ABHD17B: variants seen among roughly 807,000 people sequenced by gnomAD.
The protein encoded by ABHD17B is abhydrolase domain containing 17B, depalmitoylase, also known as alpha/beta hydrolase domain-containing protein 17B.
Under a neutral mutation model 26.2 loss-of-function variants are expected in ABHD17B, and 9 were observed. That is an observed-to-expected ratio of 0.34 (90% CI 0.21 to 0.60). The LOEUF (loss-of-function observed/expected upper bound fraction) is 0.60, where lower values mean the gene tolerates loss of function less well. ABHD17B is among the 20% of genes least tolerant of loss of function. The probability of loss-of-function intolerance (pLI) is 0.80; values close to 1 mark genes in which losing one functional copy is unlikely to be tolerated. For synonymous variants in ABHD17B, 127 were observed against 122.3 expected, an observed-to-expected ratio of 1.04 and a Z score of -0.25; for missense variants, 224 against 352.1, an observed-to-expected ratio of 0.64 and a Z score of 2.91.
chr9:71,870,880 C>G (rs1826091979), intron 2 of ABHD17B, among the ~76,000 whole-genome samples: 2 of 152,104 alleles, frequency 1.3e-5, no homozygotes, highest in African/African-American at 4.8e-5. Flanking sequence ...CCACATGGTC[C>G]AATTATTTAT....
intron 3 of ABHD17B, among the ~76,000 whole-genome samples, chr9:71,867,840 T>C (rs1198026670): frequency 2.6e-5 from 4 of 152,136 alleles, no homozygotes; most frequent in Non-Finnish European, 4.4e-5. Context: ...CTGGCTACTA[T>C]GAACCCATTT....
chr9:71,893,456 A>G (rs1826853009), intron 1 of ABHD17B, among the ~76,000 whole-genome samples: 1 of 152,210 alleles, frequency 6.6e-6, no homozygotes, highest in Non-Finnish European at 1.5e-5. Flanking sequence ...AGACAGATTT[A>G]CCAGTTTATT....
At position 71,910,806 on chromosome 9, in the gene ABHD17B, C is replaced by T. The variant is rs761374433; in HGVS notation, c.-176G>A. On this transcript the variant is annotated 5_prime_UTR_variant, in exon 1 of 4. Coordinates refer to ENST00000333421, the MANE Select transcript of ABHD17B (RefSeq NM_001025780.3). ...GGACCAGGGCTACAGCCCCCGGCGC[C>T]GGGGCGAAGAAGGACGGCGGCGCCC... The T allele has an allele frequency of 1.4e-4, 22 of 152,102 alleles. No individual in the cohort carries two copies. Among genetic ancestry groups the T allele is most frequent in the Non-Finnish European group, 2.9e-4 (20 of 67,938 alleles). 9.4% of individuals were successfully genotyped at this position (152,102 alleles called of 1,614,324 possible).
chr9:71,865,557 G>A lies in ABHD17B; in HGVS notation c.*1230C>T, dbSNP rs1419928446. The A allele has an allele frequency of 1.6e-5, 16 of 985,040 alleles. No individual in the cohort carries two copies. Among genetic ancestry groups the A allele is most frequent in the Non-Finnish European group, 1.9e-5 (16 of 829,880 alleles). The allele number at this position is 985,040 out of a possible 1,614,324, so 61.0% of individuals were successfully genotyped here. On this transcript the variant is annotated 3_prime_UTR_variant, in exon 4 of 4. Coordinates refer to ENST00000333421, the MANE Select transcript of ABHD17B (RefSeq NM_001025780.3). ...CTCAGATAGTAATCCAAAACAATAG[G>A]TCCTATTTTTAAAAATAGCTAAAGT...
At chr9:71,881,939 A>G (rs1826455839) in intron 1 of ABHD17B, among the ~76,000 whole-genome samples, 1 of 152,016 alleles carries the variant, frequency 6.6e-6, no homozygotes, top group Admixed American at 6.6e-5. Context: ...AGGACAACCC[A>G]ATTAATAGAC....
intron 2 of ABHD17B, among the ~76,000 whole-genome samples, chr9:71,870,927 T>C (rs569370118): frequency 2.0e-5 from 3 of 152,354 alleles, no homozygotes; most frequent in African/African-American, 7.2e-5. Flanking sequence ...GGTACTATTT[T>C]AATCCCTTTA....
chr9:71,865,276 A>G lies in ABHD17B; in HGVS notation c.*1511T>C. On this transcript the variant is annotated 3_prime_UTR_variant, in exon 4 of 4. Coordinates refer to ENST00000333421, the MANE Select transcript of ABHD17B (RefSeq NM_001025780.3). ...TAAACATAACCACGGAACGAGCAGAACAATTAAAACTACATAAGGCCTTAA... is the reference window on the plus strand; with the variant it reads ...TAAACATAACCACGGAACGAGCAGAGCAATTAAAACTACATAAGGCCTTAA... 1.0e-6 allele frequency: 1 copy of G among 985,728 alleles called. No homozygotes were observed. The highest frequency in any genetic ancestry group is 1.2e-6 in the Non-Finnish European group (1 of 829,808). The allele number at this position is 985,728 out of a possible 1,614,324, so 61.1% of individuals were successfully genotyped here. A position where few individuals can be genotyped will look rare whatever the true frequency, so the allele number is the denominator to read the frequency against.
chr9:71,896,353 G>A lies in ABHD17B; in HGVS notation c.-4+14281C>T, dbSNP rs534980682. Among the ~76,000 whole-genome samples the A allele has an allele frequency of 3.3e-5, 5 of 152,210 alleles. No individual in the cohort carries two copies. The South Asian group carries it at 1.0e-3, about 32-fold the overall frequency. ...ATTGCAGACTACAAATGTAGTAGCA[G>A]ACTTCTTATCCCTGCCCTGAAAATA... On this transcript the variant is annotated intron_variant, in intron 1 of 3. Transcript: ENST00000333421.
intron 1 of ABHD17B, among the ~76,000 whole-genome samples, chr9:71,905,522 T>C (rs954535607): frequency 2.0e-5 from 3 of 152,188 alleles, no homozygotes; most frequent in Non-Finnish European, 4.4e-5. Context: ...CCCTCTCTCA[T>C]GCATTATGGA....
chr9:71,877,276 A>G (rs1826304614), intron 1 of ABHD17B, among the ~76,000 whole-genome samples: 1 of 152,196 alleles, frequency 6.6e-6, no homozygotes, highest in Non-Finnish European at 1.5e-5. Context: ...TGTCTGTTTA[A>G]TATCTGTCTA....
chr9:71,884,694 G>A (rs187500485), intron 1 of ABHD17B, among the ~76,000 whole-genome samples: 1 of 151,332 alleles, frequency 6.6e-6, no homozygotes, highest in African/African-American at 2.4e-5. Context: ...ATAGATTGAT[G>A]GTGATAATGC....
chr9:71,881,369 C>CT (rs1826435819), intron 1 of ABHD17B, among the ~76,000 whole-genome samples: 1 of 152,056 alleles, frequency 6.6e-6, no homozygotes, highest in Non-Finnish European at 1.5e-5. Context: ...AATGTAAGAT[C>CT]TAAACTATGA....
In ABHD17B at chr9:71,874,842, G is replaced by C; in HGVS notation, c.239C>G (p.Ala80Gly). The C allele has an allele frequency of 1.9e-6, 3 of 1,614,164 alleles. No individual in the cohort carries two copies. The highest frequency in any genetic ancestry group is 2.5e-6 in the Non-Finnish European group (3 of 1,180,010). The change falls in exon 2 of 4, where the codon GCT (alanine) becomes GGT (glycine). Residue 80 changes from alanine (A) to glycine (G), a missense_variant. Physicochemically the swap from Ala to Gly is moderately conservative, Grantham distance 60. Coordinates refer to ENST00000333421, the MANE Select transcript of ABHD17B (RefSeq NM_001025780.3). Reference sequence around the variant, plus strand: ...GGGTGAACAACGTACAAACATACAAGCAATTCTGTTGCCTTTACTGGTTCT... The same window carrying C: ...GGGTGAACAACGTACAAACATACAACCAATTCTGTTGCCTTTACTGGTTCT... ...MTRTSKGNRI[A>G]CMFVRCSPNA...
chr9:71,863,176 C>G (rs1342457960), downstream of ABHD17B, among the ~76,000 whole-genome samples: 3 of 151,964 alleles, frequency 2.0e-5, no homozygotes, highest in East Asian at 5.8e-4. Context: ...GTGTTACTAT[C>G]AAAATTGTAC....
chr9:71,866,405 G>T lies in ABHD17B; in HGVS notation c.*382C>A. The T allele has an allele frequency of 1.0e-6, 1 of 984,856 alleles. No homozygotes were observed. The highest frequency in any genetic ancestry group is 1.2e-6 in the Non-Finnish European group (1 of 821,146). The allele number at this position is 984,856 out of a possible 1,614,324, so 61.0% of individuals were successfully genotyped here. ...ACATAGCTTTTTTCAAAATATTACA[G>T]TTGTATTCCAGGATAAGATTTAATA... On this transcript the variant is annotated 3_prime_UTR_variant, in exon 4 of 4. Transcript: ENST00000333421.
At chr9:71,864,886 T>C (rs1369135694), downstream of ABHD17B, among the ~76,000 whole-genome samples, 2 of 152,176 alleles carry the variant, frequency 1.3e-5, no homozygotes, top group Non-Finnish European at 2.9e-5. Context: ...GTCTGTTGAA[T>C]GAACGAACAC....
chr9:71,891,044 T>C (rs780674070), intron 1 of ABHD17B, among the ~76,000 whole-genome samples: 7 of 152,030 alleles, frequency 4.6e-5, no homozygotes, highest in Non-Finnish European at 7.4e-5. Context: ...CCCCACCCCC[T>C]TACCCAAAGG....
chr9:71,898,326 T>C (rs1420019015), intron 1 of ABHD17B, among the ~76,000 whole-genome samples: 1 of 151,732 alleles, frequency 6.6e-6, no homozygotes, highest in African/African-American at 2.4e-5. Flanking sequence ...GGGTGCATGG[T>C]GGAAAGGAAG....
chr9:71,871,749 A>C (rs1259748699), intron 2 of ABHD17B, among the ~76,000 whole-genome samples: 1 of 152,206 alleles, frequency 6.6e-6, no homozygotes, highest in Admixed American at 6.5e-5. Context: ...GCAGATCTTC[A>C]AAGTCACCAG....
Sources: allele counts gnomAD v4.1 joint callset (sites outside exome capture counted in the v4.1 genomes callset), GRCh38; gene constraint gnomAD v4.1.1; transcripts MANE v1.5; gene names NCBI Gene and HGNC (gene_info 2026-07-23, HGNC 2026-07-21).